ZC3H12B: variants seen among roughly 807,000 people sequenced by gnomAD.
ZC3H12B encodes probable ribonuclease ZC3H12B.
In ZC3H12B, 7 loss-of-function variants were observed where a neutral mutation model predicts 43.9. The ratio of observed to expected loss-of-function variants is 0.16; its 90% confidence interval spans 0.09 to 0.30. ZC3H12B has a LOEUF of 0.30. Ranked by LOEUF, ZC3H12B falls within the 10% of genes least tolerant of loss-of-function variation. ZC3H12B has a pLI of 1.00. For missense variants in ZC3H12B, 475 were observed against 670.2 expected (o/e 0.71, Z 3.22); for synonymous variants, 222 against 241.7 (o/e 0.92, Z 0.76).
the ZC3H12B span, among the ~76,000 whole-genome samples, chrX:65,322,916 A>C: frequency 9.0e-6 from 1 of 111,533 alleles, no homozygotes; most frequent in African/African-American, 3.3e-5. Context: ...ACTTTTTATT[A>C]ATGTTTTATG....
chrX:65,393,135 G>A (rs895972001), intron 2 of ZC3H12B, among the ~76,000 whole-genome samples: 1 of 110,818 alleles, frequency 9.0e-6, no homozygotes, highest in Non-Finnish European at 1.9e-5. Context: ...CCTCTGCCTA[G>A]GAAAACCAGA....
At chrX:65,407,528 C>A (rs1215337370) in intron 3 of ZC3H12B, among the ~76,000 whole-genome samples, 1 of 113,558 alleles carries the variant, frequency 8.8e-6, no homozygotes, top group African/African-American at 3.2e-5. Context: ...CCGAGTCTTG[C>A]GGGAGTCGCC....
chrX:65,125,567 A>G, the ZC3H12B span, among the ~76,000 whole-genome samples: 1 of 111,435 alleles, frequency 9.0e-6, no homozygotes, highest in African/African-American at 3.3e-5. Flanking sequence ...AGTGCTGCCA[A>G]TTGAATATTA....
chrX:65,304,881 T>C, the ZC3H12B span, among the ~76,000 whole-genome samples: 1 of 111,521 alleles, frequency 9.0e-6, no homozygotes, highest in Non-Finnish European at 1.9e-5. Context: ...ATTTTAAAAA[T>C]ATTGTAAAGA....
chrX:65,095,091 A>G, the ZC3H12B span, among the ~76,000 whole-genome samples: 29 of 112,258 alleles, frequency 2.6e-4, no homozygotes, highest in African/African-American at 9.0e-4. Context: ...GGAAACTTTA[A>G]TCTATCACTA....
chrX:65,257,787 A>C, the ZC3H12B span, among the ~76,000 whole-genome samples: 133 of 111,008 alleles, frequency 1.2e-3, no homozygotes, highest in African/African-American at 4.2e-3. Flanking sequence ...CCTAGAAGAA[A>C]TGGGTAAATT....
the ZC3H12B span, among the ~76,000 whole-genome samples, chrX:65,143,619 C>G: frequency 2.8e-5 from 3 of 106,253 alleles, no homozygotes; most frequent in Non-Finnish European, 5.8e-5. Flanking sequence ...TTGGAGTGCT[C>G]TGGTGTGATC....
At chrX:65,121,205 G>T in the ZC3H12B span, among the ~76,000 whole-genome samples, 2 of 111,547 alleles carry the variant, frequency 1.8e-5, no homozygotes, top group African/African-American at 6.5e-5. Context: ...CCATTGATTG[G>T]AATAATTTCA....
the ZC3H12B span, among the ~76,000 whole-genome samples, chrX:65,232,095 G>A: frequency 9.1e-6 from 1 of 109,307 alleles, no homozygotes; most frequent in East Asian, 2.9e-4. Flanking sequence ...AAAAAAATTA[G>A]CCAAGCATGG....
chrX:65,191,079 C>G, the ZC3H12B span, among the ~76,000 whole-genome samples: 2 of 89,788 alleles, frequency 2.2e-5, no homozygotes, highest in Non-Finnish European at 4.2e-5. Flanking sequence ...GTCTTTGGCT[C>G]TGTTTATATG....
the ZC3H12B span, among the ~76,000 whole-genome samples, chrX:65,076,248 G>T: frequency 1.1e-4 from 12 of 108,609 alleles, no homozygotes; most frequent in Non-Finnish European, 2.3e-4. Flanking sequence ...TTGAACTCCT[G>T]GGCTCAAGTG....
At chrX:65,230,813 G>C in the ZC3H12B span, among the ~76,000 whole-genome samples, 1 of 111,264 alleles carries the variant, frequency 9.0e-6, no homozygotes, top group Non-Finnish European at 1.9e-5. Flanking sequence ...AGAAAAGGAT[G>C]CTAATGAACA....
chrX:65,107,198 G>T, the ZC3H12B span, among the ~76,000 whole-genome samples: 570 of 111,816 alleles, frequency 5.1e-3, no homozygotes, highest in Non-Finnish European at 8.0e-3. Context: ...GCTCTTGAGA[G>T]TGGAGTGCTA....
At chrX:65,150,158 C>T in the ZC3H12B span, among the ~76,000 whole-genome samples, 1 of 110,414 alleles carries the variant, frequency 9.1e-6, no homozygotes, top group Non-Finnish European at 1.9e-5. Flanking sequence ...CCTATTGCTA[C>T]GGTTTTACTA....
At chrX:65,412,386 C>T (rs1432304307) in intron 3 of ZC3H12B, among the ~76,000 whole-genome samples, 5 of 111,942 alleles carry the variant, frequency 4.5e-5, no homozygotes, top group Non-Finnish European at 9.4e-5. Flanking sequence ...GCCATTCATC[C>T]TTTGATGAAT....
At chrX:65,192,989 G>A in the ZC3H12B span, among the ~76,000 whole-genome samples, 1 of 110,686 alleles carries the variant, frequency 9.0e-6, no homozygotes, top group African/African-American at 3.3e-5. Flanking sequence ...GGCCAGGATG[G>A]TGTCGAGCTC....
At chrX:65,338,713 GCAAAC>G in the ZC3H12B span, among the ~76,000 whole-genome samples, 1 of 112,200 alleles carries the variant, frequency 8.9e-6, no homozygotes, top group South Asian at 3.7e-4. Flanking sequence ...TTCCACACAT[GCAAAC>G]CAATAAATAC....
chrX:65,273,479 T>A, the ZC3H12B span, among the ~76,000 whole-genome samples: 2 of 110,580 alleles, frequency 1.8e-5, no homozygotes, highest in Admixed American at 9.6e-5. Context: ...AGCAAATATA[T>A]GCATAATGGA....
chrX:65,115,010 A>T, the ZC3H12B span, among the ~76,000 whole-genome samples: 1 of 99,147 alleles, frequency 1.0e-5, no homozygotes, highest in African/African-American at 3.9e-5. Context: ...GTGGGTACAT[A>T]ATAGGTTTAT....
Sources: allele counts gnomAD v4.1 joint callset (sites outside exome capture counted in the v4.1 genomes callset), GRCh38; gene constraint gnomAD v4.1.1; transcripts MANE v1.5; gene names NCBI Gene and HGNC (gene_info 2026-07-23, HGNC 2026-07-21).